Variants in UTRN observed in about 807,000 individuals in gnomAD.
The protein encoded by UTRN is dystrophin-related protein 1.
Under a neutral mutation model 463.9 loss-of-function variants are expected in UTRN, and 283 were observed. The ratio of observed to expected loss-of-function variants is 0.61; its 90% CI spans 0.55 to 0.67. The LOEUF (loss-of-function observed/expected upper bound fraction) is 0.67, where lower values mean the gene tolerates loss of function less well. Among genes scored for constraint, UTRN ranks in the 30% least tolerant of loss-of-function variants. The pLI, the probability that UTRN is intolerant of heterozygous loss-of-function variation, is 0.00. For missense variants in UTRN, 3,922 were observed against 4,084.3 expected, an observed-to-expected ratio of 0.96 and a Z score of 1.08; for synonymous variants, 1,442 against 1,431.5, an observed-to-expected ratio of 1.01 and a Z score of -0.17.
chr6:144,820,932 G>A lies in UTRN; in HGVS notation c.9408G>A (p.Lys3136=). ...ACTTCACAAAGGTACTTAAGAACAA[G>A]TTCAGGTCGAAGAAGTACTTTGCCA... ...VRDFTKVLKN[K]FRSKKYFAKH... is the part of the protein sequence containing the mutation. The change falls in exon 66 of 75, where the codon AAG becomes AAA. Residue 3136 remains lysine (K), a synonymous_variant. Coordinates refer to ENST00000367545, the MANE Select transcript of UTRN (RefSeq NM_007124.3). The A allele has an allele frequency of 6.2e-7, 1 of 1,613,906 alleles. No individual in the cohort carries two copies.
chr6:144,522,084 C>A lies in UTRN; in HGVS notation c.5646C>A (p.Cys1882Ter). Residue 1882 changes from cysteine (C) to a stop codon, truncating the protein, a stop_gained, in exon 40 of 75, where the codon TGC (cysteine) becomes TGA (stop). Transcript: ENST00000367545. LOFTEE classifies it high-confidence loss of function. ...TTGAAATTAACAAAATTTTACTTTG[C>A]ATGGATGATGTTGAATTATCGCTTA... ...YLVEINKILL[C>*]MDDVELSLNV... 1 of 1,589,442 alleles carries A rather than the reference C, an allele frequency of 6.3e-7. No homozygotes were observed. The highest frequency in any genetic ancestry group is 8.5e-7 in the Non-Finnish European group (1 of 1,169,714).
chr6:144,782,010 C>T lies in UTRN; in HGVS notation c.8721C>T (p.Val2907=). 2 of 1,614,022 alleles carry T rather than the reference C, an allele frequency of 1.2e-6. No homozygotes were observed. Among genetic ancestry groups the T allele is most frequent in the Non-Finnish European group, 1.7e-6 (2 of 1,179,970 alleles). Reference sequence around the variant, plus strand: ...ACCAGCTCCTCAGTGTTCCAGATGTCATCAACTGTCTGACAACAACTTATG... The same window carrying T: ...ACCAGCTCCTCAGTGTTCCAGATGTTATCAACTGTCTGACAACAACTTATG... The part of the protein sequence containing the change: ...QNDQLLSVPD[V]INCLTTTYDG... The change falls in exon 61 of 75, where the codon GTC becomes GTT. Residue 2907 remains valine (V), a synonymous_variant. Coordinates refer to ENST00000367545, the MANE Select transcript of UTRN (RefSeq NM_007124.3).
chr6:144,546,027 C>A (rs1291997425), intron 46 of UTRN, among the ~76,000 whole-genome samples: 1 of 152,080 alleles, frequency 6.6e-6, no homozygotes, highest in Non-Finnish European at 1.5e-5. Flanking sequence ...ATGCCTGCAG[C>A]GTCTAGAATA....
intron 3 of UTRN, among the ~76,000 whole-genome samples, chr6:144,407,198 C>G (rs1326441341): frequency 1.3e-5 from 2 of 152,068 alleles, no homozygotes; most frequent in African/African-American, 2.4e-5. Flanking sequence ...CAGGGACTTT[C>G]TATTTGCTTA....
chr6:144,537,632 A>T lies in UTRN; in HGVS notation c.6284A>T (p.Glu2095Val). Reference protein sequence around the residue: ...QVMKYRHQLDEIICWLTKAEH... With the variant: ...QVMKYRHQLDVIICWLTKAEH... ...ATGAAGTACAGGCATCAGCTAGATG[A>T]GATTATCTGTTGGTTAACAAAGGCT... The change falls in exon 44 of 75, where the codon GAG becomes GTG. Residue 2095 changes from glutamate to valine, a missense_variant. Around this residue, in one of 3 missense-constraint regions of UTRN, gnomAD observed 2,349 missense variants for 2,303.8 expected, o/e 1.02. Transcript: ENST00000367545. The T allele has an allele frequency of 6.2e-7, 1 of 1,612,566 alleles. No individual in the cohort carries two copies.
At chr6:144,583,548 A>G (rs1293171088) in intron 51 of UTRN, 3 of 716,156 alleles carry the variant, frequency 4.2e-6, no homozygotes, top group Non-Finnish European at 5.2e-6. Flanking sequence ...GTTTTGTTGC[A>G]TCGCTTACAA....
At chr6:144,357,960 C>G (rs1190308271) in intron 2 of UTRN, among the ~76,000 whole-genome samples, 4 of 152,222 alleles carry the variant, frequency 2.6e-5, no homozygotes, top group African/African-American at 9.6e-5. Flanking sequence ...TTGTCCCCAA[C>G]CATTCTTATA....
At chr6:144,754,595 T>G in intron 56 of UTRN, 125 bp from the exon 57 acceptor site, 1 of 611,480 alleles carries the variant, frequency 1.6e-6, no homozygotes. Context: ...GTCCAAGGGG[T>G]CTATATAAAC....
At chr6:144,305,762 G>A (rs904479643) in intron 2 of UTRN, among the ~76,000 whole-genome samples, 1 of 152,206 alleles carries the variant, frequency 6.6e-6, no homozygotes, top group Non-Finnish European at 1.5e-5. Flanking sequence ...GCTTTTGGCT[G>A]ACCCTGGGAA....
intron 3 of UTRN, among the ~76,000 whole-genome samples, chr6:144,416,668 C>A (rs753232657): frequency 6.6e-6 from 1 of 152,152 alleles, no homozygotes; most frequent in Non-Finnish European, 1.5e-5. Context: ...AAGCTGGCCA[C>A]GCCAGGGCTG....
At chr6:144,651,426 G>A (rs1306349491) in intron 51 of UTRN, among the ~76,000 whole-genome samples, 1 of 152,162 alleles carries the variant, frequency 6.6e-6, no homozygotes, top group Admixed American at 6.5e-5. Context: ...TCAGACAAGA[G>A]TTCCAGGGTC....
At chr6:144,388,016 C>T (rs1315944102) in intron 2 of UTRN, among the ~76,000 whole-genome samples, 1 of 152,166 alleles carries the variant, frequency 6.6e-6, no homozygotes, top group Non-Finnish European at 1.5e-5. Flanking sequence ...GAAAAATACA[C>T]CTTTTACAAG....
At chr6:144,405,698 T>C (rs1783331810) in intron 3 of UTRN, among the ~76,000 whole-genome samples, 2 of 152,188 alleles carry the variant, frequency 1.3e-5, no homozygotes, top group Admixed American at 1.3e-4. Flanking sequence ...TAGGAATTTG[T>C]TTTAAAACAG....
At chr6:144,327,863 G>A (rs148833281) in intron 2 of UTRN, among the ~76,000 whole-genome samples, 2,309 of 152,222 alleles carry the variant, frequency 0.015, 22 homozygotes, top group Non-Finnish European at 0.023. Context: ...AGAATCACTT[G>A]AACCCGGGAG....
chr6:144,765,927 CTTAAG>C (rs1159048700), intron 58 of UTRN, among the ~76,000 whole-genome samples: 1 of 151,888 alleles, frequency 6.6e-6, no homozygotes, highest in East Asian at 1.9e-4. Context: ...CTTCTTTTCT[CTTAAG>C]TTAATTTTTG....
At chr6:144,771,761 T>C in intron 58 of UTRN, 146 bp from the exon 59 acceptor site, 2 of 588,412 alleles carry the variant, frequency 3.4e-6, no homozygotes, top group Non-Finnish European at 5.6e-6. Context: ...GGGCATTGGG[T>C]TTCTGAATGG....
intron 2 of UTRN, among the ~76,000 whole-genome samples, chr6:144,327,469 G>A (rs1776045373): frequency 6.6e-6 from 1 of 152,182 alleles, no homozygotes; most frequent in African/African-American, 2.4e-5. Flanking sequence ...GTTTTCTGCT[G>A]AGGCAGCCCC....
intron 43 of UTRN, among the ~76,000 whole-genome samples, chr6:144,533,689 C>T (rs1189855400): frequency 6.6e-6 from 1 of 150,874 alleles, no homozygotes; most frequent in Non-Finnish European, 1.5e-5. Context: ...TCTATTCATG[C>T]TTTGCCAATA....
rs377566857 is a variant in UTRN, at chr6:144,499,381, C to T, written c.4718C>T (p.Ser1573Leu). 1.2e-5 allele frequency: 20 copies of T among 1,612,094 alleles called. No individual in the cohort carries two copies. The highest frequency in any genetic ancestry group is 4.5e-5 in the East Asian group (2 of 44,844). Residue 1573 changes from serine (S) to leucine (L), a missense_variant, in exon 34 of 75, where the codon TCA (serine) becomes TTA (leucine). Ser to Leu is a moderately radical substitution (Grantham distance 145). Transcript: ENST00000367545. ...TETELVQKST[S>L]EGLLGDLDTE... ...ACTGAATTGGTACAGAAGTCCACTTCAGAAGGTCTGCTTGGTGACTTGGAT... is the reference window on the plus strand; with the variant it reads ...ACTGAATTGGTACAGAAGTCCACTTTAGAAGGTCTGCTTGGTGACTTGGAT...
Sources: allele counts gnomAD v4.1 joint callset (sites outside exome capture counted in the v4.1 genomes callset), GRCh38; gene constraint gnomAD v4.1.1; regional missense constraint gnomAD v4.1.1; transcripts MANE v1.5; gene names NCBI Gene and HGNC (gene_info 2026-07-23, HGNC 2026-07-21).